The following LRRC3B variants were observed in gnomAD, a reference collection of about 807,000 sequenced individuals.
The protein encoded by LRRC3B is leucine-rich repeat-containing protein 3B.
LRRC3B carries 2 observed loss-of-function variants against 12.8 expected under a neutral mutation model. The ratio of observed to expected loss-of-function variants is 0.16; its 90% CI spans 0.06 to 0.49. The LOEUF (loss-of-function observed/expected upper bound fraction) is 0.49, where lower values mean the gene tolerates loss of function less well. Among genes scored for constraint, LRRC3B ranks in the 20% least tolerant of loss-of-function variants. LRRC3B has a pLI of 0.96. For synonymous variants in LRRC3B, 132 were observed against 122.0 expected (o/e 1.08, Z -0.54); for missense variants, 189 against 319.4 (o/e 0.59, Z 3.11).
intron 1 of LRRC3B, among the ~76,000 whole-genome samples, chr3:26,685,513 CTCTCTCTCTCTATATATATA>C (rs1314493480): frequency 7.3e-4 from 39 of 53,292 alleles, no homozygotes; most frequent in African/African-American, 1.2e-3. Context: ...CTCTCTCTCT[CTCTCTCTCTCTATATATATA>C]TATATATATA....
intron 1 of LRRC3B, among the ~76,000 whole-genome samples, chr3:26,696,036 G>A (rs1346350448): frequency 6.6e-6 from 1 of 152,188 alleles, no homozygotes; most frequent in African/African-American, 2.4e-5. Flanking sequence ...GACCAGGAAT[G>A]GAATAATTTT....
intron 1 of LRRC3B, among the ~76,000 whole-genome samples, chr3:26,706,654 A>G (rs908919194): frequency 1.3e-5 from 2 of 152,302 alleles, no homozygotes; most frequent in South Asian, 2.1e-4. Context: ...TGTCCTAAAC[A>G]TTTCTTATAT....
chr3:26,706,795 G>A (rs1700600376), intron 1 of LRRC3B, among the ~76,000 whole-genome samples: 2 of 152,124 alleles, frequency 1.3e-5, no homozygotes, highest in Admixed American at 6.5e-5. Context: ...GAACATATAT[G>A]ACTTTTCCAA....
chr3:26,655,682 T>G (rs1246049622), intron 1 of LRRC3B, among the ~76,000 whole-genome samples: 1 of 152,164 alleles, frequency 6.6e-6, no homozygotes, highest in Non-Finnish European at 1.5e-5. Context: ...AGCTCATATC[T>G]CCAATTCATC....
At chr3:26,638,508 C>T (rs1326886286) in intron 1 of LRRC3B, among the ~76,000 whole-genome samples, 1 of 152,148 alleles carries the variant, frequency 6.6e-6, no homozygotes, top group Non-Finnish European at 1.5e-5. Context: ...TTATAAACTT[C>T]TGTCTCAAAG....
intron 1 of LRRC3B, among the ~76,000 whole-genome samples, chr3:26,680,048 C>A (rs145005814): frequency 6.6e-6 from 1 of 152,206 alleles, no homozygotes. Flanking sequence ...TCATGTGCAA[C>A]AAATTTCCCA....
chr3:26,678,670 T>A (rs2125439530), intron 1 of LRRC3B, among the ~76,000 whole-genome samples: 1 of 152,258 alleles, frequency 6.6e-6, no homozygotes, highest in South Asian at 2.1e-4. Flanking sequence ...AAAGAAGGAT[T>A]GGAAAAGCAC....
intron 1 of LRRC3B, among the ~76,000 whole-genome samples, chr3:26,699,359 G>T (rs186242486): frequency 9.8e-4 from 149 of 152,222 alleles, no homozygotes; most frequent in African/African-American, 3.3e-3. Context: ...CCTTGTAACT[G>T]TGAGACCAAT....
intron 1 of LRRC3B, chr3:26,624,011 C>T (rs1034336841): frequency 2.0e-5 from 3 of 152,234 alleles, no homozygotes; most frequent in African/African-American, 7.2e-5. Flanking sequence ...GGCCATCTGA[C>T]GAAGAGGAAA....
At chr3:26,691,105 G>GTGTATATATATATATATATA (rs372629683) in intron 1 of LRRC3B, among the ~76,000 whole-genome samples, 42 of 84,812 alleles carry the variant, frequency 5.0e-4, no homozygotes, top group South Asian at 9.8e-4. Context: ...GTGTGTGTGT[G>GTGTATATATATATATATATA]TATATATATA....
At chr3:26,640,135 T>G (rs1227280430) in intron 1 of LRRC3B, among the ~76,000 whole-genome samples, 3 of 152,170 alleles carry the variant, frequency 2.0e-5, no homozygotes, top group Non-Finnish European at 4.4e-5. Context: ...TTTGTTAAGT[T>G]TCTCTTACTC....
intron 1 of LRRC3B, among the ~76,000 whole-genome samples, chr3:26,664,894 C>A (rs1471269865): frequency 6.6e-6 from 1 of 150,984 alleles, no homozygotes; most frequent in Non-Finnish European, 1.5e-5. Flanking sequence ...TACTAGAAGG[C>A]TTAATAAAAT....
chr3:26,636,855 TCCC>T lies in LRRC3B; in HGVS notation c.-161+13619_-161+13621del, dbSNP rs1213380474. Among the ~76,000 whole-genome samples the T allele has an allele frequency of 3.8e-4, 34 of 90,188 alleles. No homozygotes were observed. The East Asian group carries it at 5.0e-3, about 13-fold the overall frequency. 59.2% of individuals were successfully genotyped at this position (90,188 alleles called of 152,430 possible). ...CTCCCTCCCTGCCTCCCTCCCTCCC[TCCC>T]TCCCTCCCTTCCTTCCTTCCTTCCT... On this transcript the variant is annotated intron_variant, in intron 1 of 1. Coordinates refer to ENST00000396641, the Ensembl canonical transcript of LRRC3B.
intron 1 of LRRC3B, among the ~76,000 whole-genome samples, chr3:26,680,030 T>G (rs1699937956): frequency 6.6e-6 from 1 of 152,176 alleles, no homozygotes; most frequent in Non-Finnish European, 1.5e-5. Flanking sequence ...GCAAAGCGAT[T>G]CAAACTTTCA....
intron 1 of LRRC3B, among the ~76,000 whole-genome samples, chr3:26,632,728 A>G (rs538636035): frequency 1.3e-5 from 2 of 152,288 alleles, no homozygotes; most frequent in African/African-American, 4.8e-5. Flanking sequence ...GAGGCCTTCC[A>G]GGAACTGAAG....
At position 26,629,866 on chromosome 3, in the gene LRRC3B, G is replaced by A. The variant is rs376747901; in HGVS notation, c.-161+6629G>A. ...ACAAAACCTGTGAAAGGGGTATGGT[G>A]TGTGGCCAGCCAAGTCAGGAGGGCC... On this transcript the variant is annotated intron_variant, in intron 1 of 1. Transcript: ENST00000396641. Among the ~76,000 whole-genome samples the A allele has an allele frequency of 9.2e-4, 140 of 151,846 alleles. 1 individual carries two copies. The highest frequency in any genetic ancestry group is 3.3e-3 in the African/African-American group (136 of 41,410).
chr3:26,678,049 T>C (rs1428526645), intron 1 of LRRC3B, among the ~76,000 whole-genome samples: 1 of 152,098 alleles, frequency 6.6e-6, no homozygotes, highest in Non-Finnish European at 1.5e-5. Context: ...ACTCCTGGGT[T>C]CAAGTGACCA....
intron 1 of LRRC3B, among the ~76,000 whole-genome samples, chr3:26,684,818 T>C (rs1283755966): frequency 1.3e-5 from 2 of 152,214 alleles, no homozygotes; most frequent in Non-Finnish European, 2.9e-5. Flanking sequence ...AATAAACATA[T>C]GTAATATGTT....
chr3:26,677,507 G>C (rs1699884610), intron 1 of LRRC3B, among the ~76,000 whole-genome samples: 1 of 152,216 alleles, frequency 6.6e-6, no homozygotes, highest in African/African-American at 2.4e-5. Context: ...TGGCAGGCTT[G>C]TATGTGAGGA....
Sources: allele counts gnomAD v4.1 joint callset (sites outside exome capture counted in the v4.1 genomes callset), GRCh38; gene constraint gnomAD v4.1.1; transcripts MANE v1.5; gene names NCBI Gene and HGNC (gene_info 2026-07-23, HGNC 2026-07-21).